PTCHD4: variants seen among roughly 807,000 people sequenced by gnomAD.
PTCHD4 encodes the protein patched domain containing 4, also known as patched domain-containing protein 4.
Under a neutral mutation model 58.1 loss-of-function variants are expected in PTCHD4, and 33 were observed. The observed-to-expected ratio is 0.57, with a 90% CI of 0.43 to 0.76. The LOEUF is 0.76. Ranked by LOEUF, PTCHD4 falls within the 30% of genes least tolerant of loss-of-function variation. PTCHD4 has a pLI of 0.00. For missense variants in PTCHD4, 1,058 were observed against 1,027.1 expected, an observed-to-expected ratio of 1.03 and a Z score of -0.41; for synonymous variants, 478 against 409.6, an observed-to-expected ratio of 1.17 and a Z score of -2.02.
intron 4 of PTCHD4, among the ~76,000 whole-genome samples, chr6:47,887,803 A>C: frequency 6.6e-6 from 1 of 152,170 alleles, no homozygotes; most frequent in African/African-American, 2.4e-5. Context: ...TAAATAGATG[A>C]TTATCAAGCC....
chr6:47,898,836 AAG>A (rs1415936104), intron 4 of PTCHD4, among the ~76,000 whole-genome samples: 7 of 152,282 alleles, frequency 4.6e-5, no homozygotes, highest in African/African-American at 1.4e-4. Context: ...GAAAGAAGAA[AAG>A]AGAGAAGAAG....
chr6:47,989,894 A>T (rs1386344366), intron 4 of PTCHD4, among the ~76,000 whole-genome samples: 1 of 152,144 alleles, frequency 6.6e-6, no homozygotes, highest in Non-Finnish European at 1.5e-5. Flanking sequence ...AGAACCGTAG[A>T]TCCACCAATA....
chr6:48,009,142 A>G, intron 3 of PTCHD4, 28 bp from the exon 4 acceptor site: 1 of 1,569,598 alleles, frequency 6.4e-7, no homozygotes, highest in Non-Finnish European at 8.6e-7. Context: ...AAGAGACTTC[A>G]GTTACGGATG....
In PTCHD4 at chr6:48,090,719, C is replaced by T. The variant is rs540134401; in HGVS notation, c.-970+20330G>A. 3.9e-4 allele frequency among the ~76,000 whole-genome samples: 60 copies of T among 152,172 alleles called. 1 individual carries two copies. The highest frequency in any genetic ancestry group is 9.4e-4 in the African/African-American group (39 of 41,514). On this transcript the variant is annotated intron_variant, in intron 1 of 4. Coordinates refer to ENST00000339488, the MANE Select transcript of PTCHD4 (RefSeq NM_001384253.1). ...AGACAATACATCATAATGTAGAATGCGCATTGGTAGGCAGCTGGGCTCCAT... is the reference window on the plus strand; with the variant it reads ...AGACAATACATCATAATGTAGAATGTGCATTGGTAGGCAGCTGGGCTCCAT...
rs901789893 is a variant in PTCHD4, at chr6:47,869,683, C to T, written c.*8620G>A. Among the ~76,000 whole-genome samples, 7 of 151,342 alleles carry T rather than the reference C, an allele frequency of 4.6e-5. No individual in the cohort carries two copies. Among genetic ancestry groups the T allele is most frequent in the African/African-American group, 1.7e-4 (7 of 41,260 alleles). The stretch of plus-strand genomic sequence containing the variant: ...CGGAGAGATAATTGATATATATCAT[C>T]ACAGTATTATTTTAATGTATGTATT... On this transcript the variant is annotated 3_prime_UTR_variant, in exon 5 of 5. Transcript: ENST00000339488.
Position 47,864,352 on chromosome 6 carries a change from C to T in PTCHD4, c.*13951G>A, listed in dbSNP as rs1367162883. On this transcript the variant is annotated 3_prime_UTR_variant, in exon 5 of 5. Coordinates refer to ENST00000339488, the MANE Select transcript of PTCHD4 (RefSeq NM_001384253.1). ...CACATATATATATATGGCTATTTCACCTACTAGTTTGCTTTGCTAAAATCC... is the reference window on the plus strand; with the variant it reads ...CACATATATATATATGGCTATTTCATCTACTAGTTTGCTTTGCTAAAATCC... 1.3e-5 allele frequency among the ~76,000 whole-genome samples: 2 copies of T among 151,638 alleles called. No individual in the cohort carries two copies. The highest frequency in any genetic ancestry group is 2.4e-5 in the African/African-American group (1 of 41,284).
At chr6:48,011,957 G>C (rs143352872) in intron 3 of PTCHD4, among the ~76,000 whole-genome samples, 1 of 152,290 alleles carries the variant, frequency 6.6e-6, no homozygotes, top group Non-Finnish European at 1.5e-5. Context: ...CCAGTATCAT[G>C]GTGTTTTGGT....
At chr6:47,899,671 A>G (rs1317020783) in intron 4 of PTCHD4, 1 of 559,688 alleles carries the variant, frequency 1.8e-6, no homozygotes, top group Admixed American at 6.3e-5. Flanking sequence ...AAAGTGTACA[A>G]TTTAAAAGTT....
rs919321344 is a variant in PTCHD4, at chr6:47,876,195, A to G, written c.*2108T>C. Among the ~76,000 whole-genome samples, 1 of 151,850 alleles carries G rather than the reference A, an allele frequency of 6.6e-6. No homozygotes were observed. The highest frequency in any genetic ancestry group is 2.4e-5 in the African/African-American group (1 of 41,400). ...GTACCAAATACCAGTTCATTCTAGTACAGCAGTTCATGAGGCAAAAGGCTA... is the reference window on the plus strand; with the variant it reads ...GTACCAAATACCAGTTCATTCTAGTGCAGCAGTTCATGAGGCAAAAGGCTA... On this transcript the variant is annotated 3_prime_UTR_variant, in exon 5 of 5. Transcript: ENST00000339488.
chr6:47,938,348 T>A (rs1019152793), intron 4 of PTCHD4, among the ~76,000 whole-genome samples: 1 of 152,158 alleles, frequency 6.6e-6, no homozygotes, highest in Non-Finnish European at 1.5e-5. Context: ...ATTTTTCAGA[T>A]GATTCCAATG....
chr6:48,061,444 G>A (rs1335999384), intron 3 of PTCHD4, among the ~76,000 whole-genome samples: 1 of 152,036 alleles, frequency 6.6e-6, no homozygotes, highest in Non-Finnish European at 1.5e-5. Flanking sequence ...TTTTCTTATG[G>A]CATATTCAGT....
At chr6:48,023,666 T>C (rs558590701) in intron 3 of PTCHD4, among the ~76,000 whole-genome samples, 1 of 152,318 alleles carries the variant, frequency 6.6e-6, no homozygotes, top group East Asian at 1.9e-4. Flanking sequence ...TTAATTTTCT[T>C]CTGAATGTTC....
At chr6:48,096,104 C>T (rs375931736) in intron 1 of PTCHD4, among the ~76,000 whole-genome samples, 1 of 152,058 alleles carries the variant, frequency 6.6e-6, no homozygotes, top group Non-Finnish European at 1.5e-5. Flanking sequence ...TTATAGATAA[C>T]CTAAATTTTA....
intron 3 of PTCHD4, among the ~76,000 whole-genome samples, chr6:48,041,743 A>G (rs911301297): frequency 6.6e-6 from 1 of 151,892 alleles, no homozygotes; most frequent in Non-Finnish European, 1.5e-5. Context: ...TTTTAATTTG[A>G]TCGCTTAACA....
rs1272729002 is a variant in PTCHD4 at position 47,876,838 on chromosome 6, A to G, written c.*1465T>C. The stretch of plus-strand genomic sequence containing the variant: ...AACAGGTGCTTGGGAGTAGTTTTAA[A>G]CTTTAACTTAATGAAAACATTTACC... On this transcript the variant is annotated 3_prime_UTR_variant, in exon 5 of 5. Coordinates refer to ENST00000339488, the MANE Select transcript of PTCHD4 (RefSeq NM_001384253.1). Among the ~76,000 whole-genome samples, 1 of 151,986 alleles carries G rather than the reference A, an allele frequency of 6.6e-6. No individual in the cohort carries two copies. Among genetic ancestry groups the G allele is most frequent in the African/African-American group, 2.4e-5 (1 of 41,410 alleles).
At chr6:47,984,257 G>T (rs1307253630) in intron 4 of PTCHD4, among the ~76,000 whole-genome samples, 1 of 152,150 alleles carries the variant, frequency 6.6e-6, no homozygotes, top group Admixed American at 6.5e-5. Flanking sequence ...AAGGAAAGAG[G>T]TTTAATTGAC....
chr6:47,945,567 A>G (rs1489914789), intron 4 of PTCHD4, among the ~76,000 whole-genome samples: 2 of 152,064 alleles, frequency 1.3e-5, no homozygotes, highest in African/African-American at 4.8e-5. Flanking sequence ...TTATAAATGT[A>G]ATCATTCTGC....
intron 4 of PTCHD4, among the ~76,000 whole-genome samples, chr6:47,993,522 G>A (rs952408833): frequency 6.6e-6 from 1 of 152,160 alleles, no homozygotes; most frequent in Non-Finnish European, 1.5e-5. Flanking sequence ...AGGACTTTGT[G>A]AACTTGAGAT....
chr6:48,110,220 A>C (rs150915444), intron 1 of PTCHD4, among the ~76,000 whole-genome samples: 35 of 152,352 alleles, frequency 2.3e-4, no homozygotes, highest in African/African-American at 7.9e-4. Context: ...ATATCTATTA[A>C]CACATGAATG....
Sources: allele counts gnomAD v4.1 joint callset (sites outside exome capture counted in the v4.1 genomes callset), GRCh38; gene constraint gnomAD v4.1.1; transcripts MANE v1.5; gene names NCBI Gene and HGNC (gene_info 2026-07-23, HGNC 2026-07-21).